Variants in SANBR observed in about 807,000 individuals in gnomAD.
The protein encoded by SANBR is SANT and BTB domain regulator of class switch recombination.
SANBR carries 77 observed loss-of-function variants against 101.8 expected under a neutral mutation model. The observed-to-expected ratio is 0.76, with a 90% CI of 0.63 to 0.91. The LOEUF is 0.91. SANBR is among the 40% of genes least tolerant of loss of function. SANBR has a pLI of 0.00. For synonymous variants in SANBR, 279 were observed against 274.7 expected, an observed-to-expected ratio of 1.02 and a Z score of -0.15; for missense variants, 875 against 853.0, an observed-to-expected ratio of 1.03 and a Z score of -0.32.
chr2:61,129,123 C>T (rs1684604684), downstream of SANBR, among the ~76,000 whole-genome samples: 1 of 152,044 alleles, frequency 6.6e-6, no homozygotes, highest in Non-Finnish European at 1.5e-5. Flanking sequence ...TGCTAGCAGA[C>T]CCACCTTACA....
At chr2:61,085,815 C>A (rs1352221434) in intron 8 of SANBR, among the ~76,000 whole-genome samples, 1 of 151,998 alleles carries the variant, frequency 6.6e-6, no homozygotes, top group Non-Finnish European at 1.5e-5. Flanking sequence ...CCAGCCAACA[C>A]ACTGTCTTAA....
At chr2:61,108,716 A>G (rs974525182) in intron 15 of SANBR, among the ~76,000 whole-genome samples, 1 of 151,450 alleles carries the variant, frequency 6.6e-6, no homozygotes, top group African/African-American at 2.4e-5. Flanking sequence ...TGCCATCAAT[A>G]TTCACAAGAA....
intron 16 of SANBR, among the ~76,000 whole-genome samples, chr2:61,115,481 C>T (rs1478186965): frequency 1.3e-5 from 2 of 151,940 alleles, no homozygotes; most frequent in Non-Finnish European, 2.9e-5. Context: ...TACAGGCATG[C>T]ACCACCATAC....
intron 13 of SANBR, among the ~76,000 whole-genome samples, chr2:61,104,433 G>T (rs569354779): frequency 1.3e-5 from 2 of 150,564 alleles, no homozygotes; most frequent in Non-Finnish European, 2.9e-5. Context: ...AGTGAGCCAA[G>T]ATCGTGCCAC....
chr2:61,079,734 C>T (rs1426840525), intron 6 of SANBR, among the ~76,000 whole-genome samples: 1 of 152,042 alleles, frequency 6.6e-6, no homozygotes, highest in African/African-American at 2.4e-5. Context: ...GAAACCCTGT[C>T]ACTATTAAAA....
intron 10 of SANBR, among the ~76,000 whole-genome samples, chr2:61,091,963 G>T (rs1409342664): frequency 6.6e-6 from 1 of 151,930 alleles, no homozygotes; most frequent in African/African-American, 2.4e-5. Flanking sequence ...ATACATTAAT[G>T]AAATGTTATT....
chr2:61,079,439 ATC>A (rs1573597591), intron 6 of SANBR, among the ~76,000 whole-genome samples: 1 of 152,206 alleles, frequency 6.6e-6, no homozygotes, highest in South Asian at 2.1e-4. Context: ...TGGAAAATAA[ATC>A]TATGCTGACA....
intron 20 of SANBR, among the ~76,000 whole-genome samples, chr2:61,120,466 C>G (rs556329860): frequency 3.2e-4 from 48 of 152,312 alleles, no homozygotes; most frequent in African/African-American, 1.1e-3. Context: ...TGCCACTGCA[C>G]TCTAGCCTGG....
chr2:61,094,586 G>A (rs1299427560), intron 11 of SANBR, among the ~76,000 whole-genome samples: 1 of 148,172 alleles, frequency 6.7e-6, no homozygotes, highest in Admixed American at 6.7e-5. Context: ...AACAATACAG[G>A]TTTTCCTGTG....
At chr2:61,109,566 G>A (rs1683722779) in intron 16 of SANBR, among the ~76,000 whole-genome samples, 1 of 151,662 alleles carries the variant, frequency 6.6e-6, no homozygotes, top group South Asian at 2.1e-4. Context: ...CAGATGAAAT[G>A]TGATCTGAGA....
chr2:61,116,220 G>C, intron 17 of SANBR, 150 bp downstream of exon 17: 1 of 570,958 alleles, frequency 1.8e-6, no homozygotes, highest in Non-Finnish European at 3.1e-6. Context: ...AGATCTCTAA[G>C]ATATATTGAC....
intron 8 of SANBR, among the ~76,000 whole-genome samples, chr2:61,084,065 C>T (rs1352724726): frequency 6.6e-6 from 1 of 152,056 alleles, no homozygotes; most frequent in Non-Finnish European, 1.5e-5. Flanking sequence ...GCGATCCTTC[C>T]ACCTCAGCCT....
chr2:61,077,603 AAG>A (rs1681863809), intron 6 of SANBR, among the ~76,000 whole-genome samples: 1 of 152,130 alleles, frequency 6.6e-6, no homozygotes, highest in Non-Finnish European at 1.5e-5. Context: ...AAAAAAAGAA[AAG>A]AAAAAAATCT....
intron 13 of SANBR, 91 bp from the exon 14 acceptor site, chr2:61,106,472 G>A (rs1456018451): frequency 1.6e-5 from 13 of 826,226 alleles, no homozygotes; most frequent in Admixed American, 2.7e-5. Flanking sequence ...TCTAAAAAGC[G>A]ATTTTTGAAA....
intron 4 of SANBR, among the ~76,000 whole-genome samples, chr2:61,072,409 AAAAAAAT>A (rs1038633660): frequency 1.3e-5 from 2 of 151,948 alleles, no homozygotes; most frequent in African/African-American, 2.4e-5. Flanking sequence ...CTGTCTCTAC[AAAAAAAT>A]AAAAAATAAA....
chr2:61,088,048 G>A (rs1682536117), intron 8 of SANBR, 111 bp from the exon 9 acceptor site: 1 of 568,052 alleles, frequency 1.8e-6, no homozygotes, highest in Non-Finnish European at 3.1e-6. Flanking sequence ...TCCCAAGAGA[G>A]CCACTAAGGA....
Position 61,088,081 on chromosome 2 carries a change from T to C in SANBR, c.891-78T>C, listed in dbSNP as rs999357839. ...GGATTTATTAATCTTATTTTACAAATGCACAGATTGGTTTGTTTATTTTCA... is the reference window on the plus strand; with the variant it reads ...GGATTTATTAATCTTATTTTACAAACGCACAGATTGGTTTGTTTATTTTCA... On this transcript the variant is annotated intron_variant, in intron 8 of 21. Coordinates refer to ENST00000402291, the MANE Select transcript of SANBR (RefSeq NM_001129993.3). 7.0e-6 allele frequency: 5 copies of C among 712,290 alleles called. 1 individual carries two copies. Among genetic ancestry groups the C allele is most frequent in the African/African-American group, 3.6e-5 (2 of 55,528 alleles). 44.1% of individuals were successfully genotyped at this position (712,290 alleles called of 1,614,324 possible).
Position 61,117,452 on chromosome 2 carries a change from C to A in SANBR, c.1866-15C>A. The stretch of plus-strand genomic sequence containing the variant: ...AGAAGCATCAATGCTGATTTTTGTT[C>A]AATTTTTTCAATAGTATGAGTATGC... On this transcript the variant is annotated splice_polypyrimidine_tract_variant and intron_variant, in intron 18 of 21. Coordinates refer to ENST00000402291, the MANE Select transcript of SANBR (RefSeq NM_001129993.3). 6.2e-7 allele frequency: 1 copy of A among 1,613,322 alleles called. No individual in the cohort carries two copies. The highest frequency in any genetic ancestry group is 1.1e-5 in the South Asian group (1 of 91,034).
rs57117097 is a variant in SANBR at position 61,080,196 on chromosome 2, C to CAAA, written c.671-1240_671-1238dup. The stretch of plus-strand genomic sequence containing the variant: ...TGGGCGAAGGAGTGAAACTTTGTCT[C>CAAA]AAAAAAAAAAAAAAAAAAGCAGCAA... On this transcript the variant is annotated intron_variant, in intron 6 of 21. Transcript: ENST00000402291. Among the ~76,000 whole-genome samples, 530 of 113,140 alleles carry CAAA rather than the reference C, an allele frequency of 4.7e-3. 7 individuals are homozygous for CAAA. The highest frequency in any genetic ancestry group is 0.011 in the African/African-American group (369 of 32,432). 74.2% of individuals were successfully genotyped at this position (113,140 alleles called of 152,430 possible). A position where few individuals can be genotyped will look rare whatever the true frequency, so the allele number is the denominator to read the frequency against.
Sources: gnomAD v4.1 joint callset for allele counts (sites outside exome capture counted in the v4.1 genomes callset) on GRCh38, gnomAD v4.1.1 for gene constraint, MANE v1.5 for transcripts, NCBI Gene and HGNC (gene_info 2026-07-23, HGNC 2026-07-21) for gene names.